Variants in SCN8A observed in about 807,000 individuals in gnomAD.
SCN8A encodes sodium channel protein type 8 subunit alpha.
Under a neutral mutation model 184.1 loss-of-function variants are expected in SCN8A, and 30 were observed. The ratio of observed to expected loss-of-function variants is 0.16; its 90% CI spans 0.12 to 0.22. SCN8A has a LOEUF of 0.22. Among genes scored for constraint, SCN8A ranks in the 10% least tolerant of loss-of-function variants. The pLI is 1.00. For missense variants in SCN8A, 1,057 were observed against 2,498.9 expected (o/e 0.42, Z 12.30); for synonymous variants, 852 against 907.0 (o/e 0.94, Z 1.09).
intron 14 of SCN8A, among the ~76,000 whole-genome samples, chr12:51,757,949 T>A (rs1942702056): frequency 6.6e-6 from 1 of 152,270 alleles, no homozygotes; most frequent in South Asian, 2.1e-4. Flanking sequence ...ATATTTATCA[T>A]GTTTGAAATT....
intron 1 of SCN8A, among the ~76,000 whole-genome samples, chr12:51,629,979 G>A (rs1940164113): frequency 6.6e-6 from 1 of 152,056 alleles, no homozygotes; most frequent in African/African-American, 2.4e-5. Flanking sequence ...GGTGGAGGAG[G>A]GAGTGCCGGG....
At chr12:51,751,316 C>A in intron 13 of SCN8A, 39 bp from the exon 14 acceptor site, 1 of 1,381,944 alleles carries the variant, frequency 7.2e-7, no homozygotes, top group Non-Finnish European at 1.0e-6. Flanking sequence ...GGTTTTCTTG[C>A]TGTGATTGAG....
intron 1 of SCN8A, among the ~76,000 whole-genome samples, chr12:51,619,505 C>T (rs1334310930): frequency 6.6e-6 from 1 of 152,106 alleles, no homozygotes; most frequent in African/African-American, 2.4e-5. Context: ...TATTTCATAT[C>T]ACTACAAATA....
chr12:51,633,241 A>G (rs987805735), intron 1 of SCN8A, among the ~76,000 whole-genome samples: 6 of 152,148 alleles, frequency 3.9e-5, no homozygotes, highest in African/African-American at 1.4e-4. Flanking sequence ...GTGTGTGCAT[A>G]CTCATATATA....
rs1937873541 is a variant in SCN8A at position 51,780,565 on chromosome 12, C to CTTTTCTTTTTTTTTTTTT, written c.3820-80_3820-79insCTTTTTTTTTTTTTTTTT. The CTTTTCTTTTTTTTTTTTT allele has an allele frequency of 1.0e-5, 3 of 293,008 alleles. No homozygotes were observed. The African/African-American group carries it at 4.0e-4, about 39-fold the overall frequency. The allele number at this position is 293,008 out of a possible 1,614,324, so 18.2% of individuals were successfully genotyped here. On this transcript the variant is annotated intron_variant, in intron 20 of 26. Coordinates refer to ENST00000627620, the MANE Select transcript of SCN8A (RefSeq NM_001330260.2). ...ACACTCTGGAACCTCTGTTTTCTTT[C>CTTTTCTTTTTTTTTTTTT]TTTTTTTTTTTTTTTTTTTTTTTTT... is the stretch of plus-strand genomic sequence containing the variant.
At chr12:51,694,060 G>T (rs1211513169) in intron 6 of SCN8A, among the ~76,000 whole-genome samples, 2 of 152,190 alleles carry the variant, frequency 1.3e-5, no homozygotes, top group African/African-American at 4.8e-5. Flanking sequence ...AGCCTCCTGA[G>T]TAGCTAGGAT....
chr12:51,789,194 A>G lies in SCN8A; in HGVS notation c.4282-87A>G, dbSNP rs978175881. 8 of 1,443,452 alleles carry G rather than the reference A, an allele frequency of 5.5e-6. No homozygotes were observed. The South Asian group carries it at 6.2e-5, about 11-fold the overall frequency. 89.4% of individuals were successfully genotyped at this position (1,443,452 alleles called of 1,614,324 possible). A position where few individuals can be genotyped will look rare whatever the true frequency, so the allele number is the denominator to read the frequency against. The stretch of plus-strand genomic sequence containing the variant: ...CCACCCCAAGATGTTTAGCAGCTCA[A>G]ATGGTCACAGTTACGGCTGATGGCC... On this transcript the variant is annotated intron_variant, in intron 23 of 26. Transcript: ENST00000627620.
chr12:51,694,586 A>G (rs1229526419), intron 6 of SCN8A, among the ~76,000 whole-genome samples: 2 of 152,128 alleles, frequency 1.3e-5, no homozygotes, highest in Admixed American at 6.5e-5. Flanking sequence ...TCACTGTCCA[A>G]TTTGCCCCCA....
At chr12:51,649,298 G>C (rs1221070659) in intron 1 of SCN8A, among the ~76,000 whole-genome samples, 1 of 152,150 alleles carries the variant, frequency 6.6e-6, no homozygotes, top group African/African-American at 2.4e-5. Flanking sequence ...CAATGCAATT[G>C]GTCGGTAGAT....
chr12:51,733,056 T>C (rs770300566), intron 12 of SCN8A, among the ~76,000 whole-genome samples: 12 of 152,310 alleles, frequency 7.9e-5, no homozygotes, highest in South Asian at 2.1e-4. Context: ...TTCTTTTTCT[T>C]GTCCAATTGC....
chr12:51,642,635 A>G (rs1202395723), intron 1 of SCN8A, among the ~76,000 whole-genome samples: 3 of 151,930 alleles, frequency 2.0e-5, no homozygotes, highest in African/African-American at 4.8e-5. Flanking sequence ...ACCACTTTGT[A>G]AGCTTTTGAC....
At chr12:51,805,073 C>A (rs1205914254) in intron 26 of SCN8A, among the ~76,000 whole-genome samples, 1 of 152,000 alleles carries the variant, frequency 6.6e-6, no homozygotes, top group Non-Finnish European at 1.5e-5. Context: ...GTATCAGTAT[C>A]ATCTTGGAAA....
intron 1 of SCN8A, among the ~76,000 whole-genome samples, chr12:51,637,782 G>T (rs1182248405): frequency 6.6e-6 from 1 of 152,216 alleles, no homozygotes; most frequent in African/African-American, 2.4e-5. Flanking sequence ...AGAAGATCTA[G>T]CTAAGATCAT....
chr12:51,745,713 A>G (rs1026304380), intron 12 of SCN8A, among the ~76,000 whole-genome samples, 190 bp from the exon 13 acceptor site: 1 of 152,210 alleles, frequency 6.6e-6, no homozygotes, highest in Non-Finnish European at 1.5e-5. Context: ...ACTTCATCTT[A>G]TCACCCACAG....
At chr12:51,747,804 T>G (rs913114368) in intron 13 of SCN8A, among the ~76,000 whole-genome samples, 3 of 151,974 alleles carry the variant, frequency 2.0e-5, no homozygotes, top group Non-Finnish European at 2.9e-5. Flanking sequence ...TTCTCCCTGT[T>G]CTTTCTCTTT....
Position 51,706,671 on chromosome 12 carries a change from C to A in SCN8A, c.1591C>A (p.Leu531Met). Residue 531 changes from leucine (L) to methionine (M), a missense_variant, in exon 11 of 27, where the codon CTG becomes ATG. By Grantham distance (15) the Leu-to-Met change is conservative. Transcript: ENST00000627620. ...EDGMRRKAFR[L>M]PDNRIGRKFS... ...TGGCATGAGAAGGAAGGCCTTTCGG[C>A]TGCCAGACAACAGAATAGGGAGGAA... 6.3e-7 allele frequency: 1 copy of A among 1,594,918 alleles called. No homozygotes were observed. Among genetic ancestry groups the A allele is most frequent in the Non-Finnish European group, 8.5e-7 (1 of 1,171,558 alleles).
intron 6 of SCN8A, among the ~76,000 whole-genome samples, chr12:51,696,363 A>G (rs1350019441): frequency 6.6e-6 from 1 of 152,222 alleles, no homozygotes; most frequent in African/African-American, 2.4e-5. Flanking sequence ...TTGATTCAAT[A>G]TAGGCCCACT....
intron 8 of SCN8A, among the ~76,000 whole-genome samples, chr12:51,702,321 CA>C (rs747855764): frequency 5.2e-3 from 401 of 76,564 alleles, no homozygotes; most frequent in East Asian, 0.026. Context: ...GACTCTGTAT[CA>C]AAAAAAAAAA....
chr12:51,801,449 C>G (rs1019941479), intron 26 of SCN8A, among the ~76,000 whole-genome samples: 10 of 152,154 alleles, frequency 6.6e-5, no homozygotes, highest in African/African-American at 2.4e-4. Context: ...TCTAAGGTGA[C>G]TAATCCACTC....
Sources: gnomAD v4.1 joint callset for allele counts (sites outside exome capture counted in the v4.1 genomes callset) on GRCh38, gnomAD v4.1.1 for gene constraint, MANE v1.5 for transcripts, NCBI Gene and HGNC (gene_info 2026-07-23, HGNC 2026-07-21) for gene names.